Variants in DNAH12 observed in about 807,000 individuals in gnomAD.
The protein encoded by DNAH12 is dynein axonemal heavy chain 12.
A neutral mutation model predicts 371.5 loss-of-function variants in DNAH12; 285 were observed. The ratio of observed to expected loss-of-function variants is 0.77; its 90% CI spans 0.70 to 0.85. The LOEUF (loss-of-function observed/expected upper bound fraction) is 0.85. DNAH12 is among the 40% of genes least tolerant of loss of function. DNAH12 has a pLI of 0.00. For missense variants in DNAH12, 3,611 were observed against 3,689.4 expected, an observed-to-expected ratio of 0.98 and a Z score of 0.55; for synonymous variants, 1,200 against 1,213.0, an observed-to-expected ratio of 0.99 and a Z score of 0.22.
chr3:57,324,878 T>A (rs1051718367), intron 62 of DNAH12, among the ~76,000 whole-genome samples: 1 of 152,206 alleles, frequency 6.6e-6, no homozygotes, highest in Non-Finnish European at 1.5e-5. Context: ...AATACTGCGC[T>A]TTTCCGATGG....
At position 57,433,400 on chromosome 3, in the gene DNAH12, C is replaced by T. The variant is rs749035740; in HGVS notation, c.4947G>A (p.Glu1649=). 4.7e-5 allele frequency: 73 copies of T among 1,551,240 alleles called. No homozygotes were observed. Among genetic ancestry groups the T allele is most frequent in the Non-Finnish European group, 5.8e-5 (67 of 1,146,884 alleles). ...TATCATCCAATACTGTGTTCATGCT[C>T]TCTATCCACAAAGTGTCAATAGGAC... ...FDGPIDTLWI[E]SMNTVLDDNK... Residue 1649 remains glutamate, a synonymous_variant, in exon 32 of 74, where the codon GAG becomes GAA. Transcript: ENST00000495027.
intron 35 of DNAH12, among the ~76,000 whole-genome samples, chr3:57,424,068 T>G (rs2064680090): frequency 6.6e-6 from 1 of 152,196 alleles, no homozygotes; most frequent in East Asian, 1.9e-4. Flanking sequence ...CTAGCTTTTA[T>G]GTTGCCTAAA....
At chr3:57,429,634 C>T (rs1289889255) in intron 33 of DNAH12, 57 bp downstream of exon 33, 4 of 1,453,520 alleles carry the variant, frequency 2.8e-6, no homozygotes, top group Non-Finnish European at 3.7e-6. Flanking sequence ...TACTTATTGG[C>T]TAAATTAAAG....
intron 58 of DNAH12, among the ~76,000 whole-genome samples, chr3:57,358,122 T>A (rs1246575240): frequency 2.0e-5 from 3 of 152,192 alleles, no homozygotes; most frequent in Admixed American, 6.5e-5. Context: ...CATGTTTATA[T>A]CAAATCCTGT....
Position 57,457,909 on chromosome 3 carries a change from C to T in DNAH12, c.3148G>A (p.Gly1050Ser). The stretch of plus-strand genomic sequence containing the variant: ...GGAAGGAACTCTAATTTAGCAATGC[C>T]CTCAAAGCATTTTTTTAAATGTGGC... The part of the protein sequence containing the change: ...VQPHLKKCFE[G>S]IAKLEFLPNL... The change falls in exon 22 of 74, where the codon GGC (glycine) becomes AGC (serine). Residue 1050 changes from glycine (G) to serine (S), a missense_variant. This residue lies in a region of DNAH12 where 1,314 missense variants were observed against 1,398.7 expected (regional missense o/e 0.94). Coordinates refer to ENST00000495027, the MANE Select transcript of DNAH12 (RefSeq NM_001366028.2). The T allele has an allele frequency of 6.4e-7, 1 of 1,551,534 alleles. No homozygotes were observed. The highest frequency in any genetic ancestry group is 1.4e-5 in the African/African-American group (1 of 73,092).
intron 56 of DNAH12, among the ~76,000 whole-genome samples, chr3:57,367,599 T>C (rs1387826596): frequency 6.6e-6 from 1 of 152,192 alleles, no homozygotes; most frequent in Non-Finnish European, 1.5e-5. Context: ...AGCTGGACAA[T>C]GTTTACCTAA....
At chr3:57,503,602 T>A (rs111376328) in intron 9 of DNAH12, among the ~76,000 whole-genome samples, 2 of 152,148 alleles carry the variant, frequency 1.3e-5, no homozygotes, top group African/African-American at 4.8e-5. Flanking sequence ...TTGGCCAGGA[T>A]GGTCTTGATC....
chr3:57,447,223 A>G (rs1298570392), intron 25 of DNAH12, among the ~76,000 whole-genome samples: 1 of 152,202 alleles, frequency 6.6e-6, no homozygotes, highest in Non-Finnish European at 1.5e-5. Flanking sequence ...TCTTACCGGT[A>G]GTATCACTTT....
chr3:57,310,696 T>C, intron 67 of DNAH12, 21 bp downstream of exon 67: 4 of 1,497,964 alleles, frequency 2.7e-6, no homozygotes, highest in Non-Finnish European at 3.6e-6. Context: ...AATCTAACCT[T>C]ATTTTTGGTG....
Position 57,502,368 on chromosome 3 carries a change from C to T in DNAH12, c.1198G>A (p.Val400Ile), listed in dbSNP as rs1242627930. ...CTTGCACCTTCTAAGTTCCGATGTACTGCTGCCTTCAGTGTATCAACAGCC... is the reference window on the plus strand; with the variant it reads ...CTTGCACCTTCTAAGTTCCGATGTATTGCTGCCTTCAGTGTATCAACAGCC... The part of the protein sequence containing the change: ...HWAVDTLKAA[V>I]HRNLEGARKH... The change falls in exon 10 of 74, where the codon GTA becomes ATA. Residue 400 changes from valine to isoleucine, a missense_variant. By Grantham distance (29) the Val-to-Ile change is conservative. This residue lies in a region of DNAH12 where 1,314 missense variants were observed against 1,398.7 expected (regional missense o/e 0.94). Transcript: ENST00000495027. 11 of 1,614,182 alleles carry T rather than the reference C, an allele frequency of 6.8e-6. No individual in the cohort carries two copies. Among genetic ancestry groups the T allele is most frequent in the Non-Finnish European group, 6.8e-6 (8 of 1,180,030 alleles).
At chr3:57,294,179 T>TTC (rs1553641265) in intron 73 of DNAH12, among the ~76,000 whole-genome samples, 1 of 145,078 alleles carries the variant, frequency 6.9e-6, no homozygotes, top group African/African-American at 2.5e-5. Flanking sequence ...TTCTTTTCTT[T>TTC]TTTTTTTTTT....
At chr3:57,345,449 A>T (rs1331530372) in intron 60 of DNAH12, among the ~76,000 whole-genome samples, 3 of 152,202 alleles carry the variant, frequency 2.0e-5, no homozygotes, top group Admixed American at 1.3e-4. Context: ...CAAGTTTGTG[A>T]TATTTTACTA....
the DNAH12 span, among the ~76,000 whole-genome samples, chr3:57,552,727 T>C: frequency 6.6e-6 from 1 of 151,318 alleles, no homozygotes; most frequent in Non-Finnish European, 1.5e-5. Flanking sequence ...TTGGGCAACA[T>C]AGTGGGATCC....
At chr3:57,327,940 CAAAT>C (rs1437984680) in intron 62 of DNAH12, among the ~76,000 whole-genome samples, 1 of 152,012 alleles carries the variant, frequency 6.6e-6, no homozygotes, top group Non-Finnish European at 1.5e-5. Flanking sequence ...CACCTCTACA[CAAAT>C]AAACTAGAAA....
intron 19 of DNAH12, among the ~76,000 whole-genome samples, chr3:57,460,204 A>G (rs2066016673): frequency 6.6e-6 from 1 of 152,162 alleles, no homozygotes; most frequent in South Asian, 2.1e-4. Flanking sequence ...TCTAGTGGGT[A>G]GAGGCCAGAG....
chr3:57,408,391 A>G lies in DNAH12; in HGVS notation c.6165T>C (p.Asp2055=). The part of the protein sequence containing the change: ...FNICSINSFS[D]ETMVRIFSSI... ...ATGAGAAGATTCGGACCATAGTTTC[A>G]TCACTAAAAGAATTAATACTGCAGA... The change falls in exon 40 of 74, where the codon GAT becomes GAC. Residue 2055 remains aspartate, a synonymous_variant. Coordinates refer to ENST00000495027, the MANE Select transcript of DNAH12 (RefSeq NM_001366028.2). The G allele has an allele frequency of 6.4e-7, 1 of 1,551,622 alleles. No homozygotes were observed. The highest frequency in any genetic ancestry group is 1.4e-5 in the African/African-American group (1 of 73,158).
intron 17 of DNAH12, among the ~76,000 whole-genome samples, chr3:57,463,349 T>C (rs1010044657): frequency 6.6e-6 from 1 of 152,068 alleles, no homozygotes; most frequent in African/African-American, 2.4e-5. Context: ...ATATATAATA[T>C]ATAGTTATAA....
intron 42 of DNAH12, among the ~76,000 whole-genome samples, chr3:57,404,178 A>G (rs1553680149): frequency 1.3e-5 from 2 of 152,150 alleles, no homozygotes; most frequent in Admixed American, 1.3e-4. Flanking sequence ...CTTTTTTATA[A>G]TAGCAAAAAC....
intron 56 of DNAH12, among the ~76,000 whole-genome samples, chr3:57,367,358 T>G (rs1396961936): frequency 2.6e-5 from 4 of 151,696 alleles, no homozygotes; most frequent in African/African-American, 9.7e-5. Context: ...AAAACAGGAG[T>G]GGCAAAAGTC....
Sources: gnomAD v4.1 joint callset for allele counts (sites outside exome capture counted in the v4.1 genomes callset) on GRCh38, gnomAD v4.1.1 for gene constraint, gnomAD v4.1.1 regional missense constraint, MANE v1.5 for transcripts, NCBI Gene and HGNC (gene_info 2026-07-23, HGNC 2026-07-21) for gene names.